SIPA1L2: variants seen among roughly 807,000 people sequenced by gnomAD.
The protein encoded by SIPA1L2 is signal-induced proliferation-associated 1-like protein 2.
A neutral mutation model predicts 163.9 loss-of-function variants in SIPA1L2; 56 were observed. The observed-to-expected ratio is 0.34, with a 90% CI of 0.28 to 0.43. The LOEUF (loss-of-function observed/expected upper bound fraction) is 0.43, where lower values mean the gene tolerates loss of function less well. Ranked by LOEUF, SIPA1L2 falls within the 20% of genes least tolerant of loss-of-function variation. SIPA1L2 has a pLI of 1.00. For missense variants in SIPA1L2, 1,974 were observed against 2,193.5 expected (o/e 0.90, Z 2.00); for synonymous variants, 877 against 865.7 (o/e 1.01, Z -0.23).
chr1:232,557,521 T>C (rs1658783643), intron 2 of SIPA1L2, among the ~76,000 whole-genome samples: 1 of 152,212 alleles, frequency 6.6e-6, no homozygotes, highest in Non-Finnish European at 1.5e-5. Flanking sequence ...TCCCAGCCAG[T>C]GAGTTTCCTC....
rs549317368 is a variant in SIPA1L2, at chr1:232,508,515, G to A, written c.1483+5342C>T. On this transcript the variant is annotated intron_variant, in intron 3 of 22. Transcript: ENST00000674635. Reference sequence around the variant, plus strand: ...CAGTGCCAAGCAGGTCCAGAAGGAGGCAAAGCCTGCTGCTCTGCTACAATG... The same window carrying A: ...CAGTGCCAAGCAGGTCCAGAAGGAGACAAAGCCTGCTGCTCTGCTACAATG... 7.2e-5 allele frequency among the ~76,000 whole-genome samples: 11 copies of A among 152,314 alleles called. 1 individual carries two copies. In the South Asian group the frequency reaches 2.3e-3, roughly 32 times the overall value.
intron 10 of SIPA1L2, among the ~76,000 whole-genome samples, chr1:232,458,661 A>C (rs910721931): frequency 5.3e-5 from 8 of 152,318 alleles, no homozygotes; most frequent in Admixed American, 4.6e-4. Flanking sequence ...AGGCAGATAA[A>C]AGACTGATTC....
At chr1:232,600,685 T>C (rs141717875) in intron 1 of SIPA1L2, among the ~76,000 whole-genome samples, 1,525 of 152,316 alleles carry the variant, frequency 0.01, 19 homozygotes, top group Middle Eastern at 0.051. Context: ...TGGGGAACAA[T>C]GGTCACCATG....
chr1:232,575,649 T>A (rs906823139), intron 1 of SIPA1L2, among the ~76,000 whole-genome samples: 3 of 152,166 alleles, frequency 2.0e-5, no homozygotes, highest in Middle Eastern at 3.4e-3. Context: ...CATTACCATA[T>A]AACCCAGCAA....
intron 10 of SIPA1L2, among the ~76,000 whole-genome samples, chr1:232,448,279 T>C (rs749846973): frequency 6.6e-6 from 1 of 152,208 alleles, no homozygotes; most frequent in East Asian, 1.9e-4. Flanking sequence ...ACGGGAAGAC[T>C]AGATAAGTCT....
At chr1:232,471,852 T>C (rs960761627) in intron 7 of SIPA1L2, among the ~76,000 whole-genome samples, 1 of 152,210 alleles carries the variant, frequency 6.6e-6, no homozygotes, top group African/African-American at 2.4e-5. Context: ...TTGAGAAATG[T>C]TGTAGTTTAA....
chr1:232,499,777 AAT>A, intron 3 of SIPA1L2, among the ~76,000 whole-genome samples: 1 of 151,698 alleles, frequency 6.6e-6, no homozygotes, highest in Non-Finnish European at 1.5e-5. Flanking sequence ...AGAGGATGTC[AAT>A]GCCTAGTTTC....
chr1:232,563,818 G>A lies in SIPA1L2; in HGVS notation c.-270+10356C>T, dbSNP rs1385228342. On this transcript the variant is annotated intron_variant, in intron 2 of 22. Transcript: ENST00000674635. ...CAGCCTCTGCCTCCCGGGTTCAAGC[G>A]ATTCTCCTGCCTCAGCCTCCTGAGT... Among the ~76,000 whole-genome samples the A allele has an allele frequency of 3.3e-5, 5 of 151,960 alleles. 1 individual carries two copies. Among genetic ancestry groups the A allele is most frequent in the South Asian group, 4.1e-4 (2 of 4,824 alleles).
intron 1 of SIPA1L2, among the ~76,000 whole-genome samples, chr1:232,607,974 G>A (rs1048489743): frequency 5.5e-5 from 8 of 145,876 alleles, no homozygotes; most frequent in Non-Finnish European, 1.0e-4. Flanking sequence ...AAAATCACTC[G>A]AACTGGGGAG....
chr1:232,402,587 A>C (rs144411249), intron 21 of SIPA1L2, 114 bp from the exon 22 acceptor site: 117 of 765,042 alleles, frequency 1.5e-4, no homozygotes, highest in Admixed American at 5.5e-4. Context: ...GCAAGCAGAT[A>C]TATTATATTA....
intron 1 of SIPA1L2, among the ~76,000 whole-genome samples, chr1:232,588,406 C>T (rs1335188871): frequency 6.6e-6 from 1 of 152,184 alleles, no homozygotes; most frequent in African/African-American, 2.4e-5. Context: ...GTGATCTTGA[C>T]AATTTCCCTA....
chr1:232,506,736 A>T (rs1347497756), intron 3 of SIPA1L2, among the ~76,000 whole-genome samples: 2 of 152,236 alleles, frequency 1.3e-5, no homozygotes, highest in Non-Finnish European at 2.9e-5. Context: ...TACCAGAAAC[A>T]GTGAAGTTGG....
intron 1 of SIPA1L2, among the ~76,000 whole-genome samples, chr1:232,628,103 C>T (rs1235450968): frequency 1.3e-5 from 2 of 152,220 alleles, no homozygotes; most frequent in Admixed American, 6.5e-5. Context: ...CTGCCGTGAT[C>T]TTGCTTTAGA....
In SIPA1L2 at chr1:232,465,473, C is replaced by T. The variant is rs951170272; in HGVS notation, c.2244-57G>A. 2.0e-6 allele frequency: 3 copies of T among 1,469,462 alleles called. No homozygotes were observed. Among genetic ancestry groups the T allele is most frequent in the Non-Finnish European group, 2.8e-6 (3 of 1,080,668 alleles). The allele number at this position is 1,469,462 out of a possible 1,614,324, so 91.0% of individuals were successfully genotyped here. On this transcript the variant is annotated intron_variant, in intron 8 of 22. Transcript: ENST00000674635. This position sits in a 1 kb window ranked among gnomAD's most constrained non-coding sequence, Gnocchi z 4.1. ...TGAGCTATGATACCATAATATGTAT[C>T]TTTCCGAATTTGACATATATATACA... is the stretch of plus-strand genomic sequence containing the variant.
chr1:232,596,468 C>A (rs780349630), intron 1 of SIPA1L2, among the ~76,000 whole-genome samples: 50 of 152,302 alleles, frequency 3.3e-4, no homozygotes, highest in Middle Eastern at 6.8e-3. Flanking sequence ...AAATCACCAA[C>A]AAGGAAGGAC....
intron 2 of SIPA1L2, among the ~76,000 whole-genome samples, chr1:232,552,000 T>C: frequency 6.6e-6 from 1 of 151,946 alleles, no homozygotes; most frequent in East Asian, 1.9e-4. Context: ...CCCCCACGCC[T>C]GGCTAATTTT....
At chr1:232,445,121 C>A (rs1663135906) in intron 11 of SIPA1L2, among the ~76,000 whole-genome samples, 1 of 152,194 alleles carries the variant, frequency 6.6e-6, no homozygotes, top group Non-Finnish European at 1.5e-5. Flanking sequence ...AGCTTGGAAC[C>A]TCTTAAAGTA....
chr1:232,537,216 G>A (rs1236099289), intron 2 of SIPA1L2, among the ~76,000 whole-genome samples: 1 of 152,082 alleles, frequency 6.6e-6, no homozygotes, highest in East Asian at 1.9e-4. Flanking sequence ...CAGCCTGGGT[G>A]ACAACGTGAG....
chr1:232,517,728 G>A (rs1173794540), intron 2 of SIPA1L2, among the ~76,000 whole-genome samples: 2 of 152,126 alleles, frequency 1.3e-5, no homozygotes, highest in African/African-American at 4.8e-5. Context: ...AAAAATGGAA[G>A]ACACCAATAT....
Sources: allele counts gnomAD v4.1 joint callset (sites outside exome capture counted in the v4.1 genomes callset), GRCh38; gene constraint gnomAD v4.1.1; non-coding constraint Gnocchi (gnomAD v3.1); transcripts MANE v1.5; gene names NCBI Gene and HGNC (gene_info 2026-07-23, HGNC 2026-07-21).